INVS: variants seen among roughly 807,000 people sequenced by gnomAD.
INVS encodes inversin.
In INVS, 86 loss-of-function variants were observed where a neutral mutation model predicts 108.8. That is an observed-to-expected ratio of 0.79 (90% CI 0.66 to 0.95). The LOEUF is 0.95. INVS is among the 40% of genes least tolerant of loss of function. INVS has a pLI of 0.00. For synonymous variants in INVS, 455 were observed against 473.5 expected (o/e 0.96, Z 0.51); for missense variants, 1,169 against 1,297.4 (o/e 0.90, Z 1.52).
rs540775415 is a variant in INVS at position 100,199,747 on chromosome 9, T to C, written c.274-26315T>C. ...TCTGACTTCTTTCAGTGTTTTCTTT[T>C]TTAGCTTTGGTTTTCAATAGTTTCC... On this transcript the variant is annotated intron_variant, in intron 3 of 16. Transcript: ENST00000262457. Among the ~76,000 whole-genome samples, 6 of 152,316 alleles carry C rather than the reference T, an allele frequency of 3.9e-5. No individual in the cohort carries two copies. In the South Asian group the frequency reaches 1.2e-3, roughly 32 times the overall value.
At chr9:100,195,075 C>T (rs1033965704) in intron 3 of INVS, among the ~76,000 whole-genome samples, 2 of 152,126 alleles carry the variant, frequency 1.3e-5, no homozygotes, top group African/African-American at 2.4e-5. Flanking sequence ...GTCCCTGCTG[C>T]GCCTGCTACA....
At chr9:100,263,126 C>T (rs564676815) in intron 10 of INVS, among the ~76,000 whole-genome samples, 1 of 152,070 alleles carries the variant, frequency 6.6e-6, no homozygotes, top group South Asian at 2.1e-4. Flanking sequence ...TTTCTATTTC[C>T]TAATTTCTAT....
At chr9:100,233,428 A>G (rs1831576456) in intron 5 of INVS, among the ~76,000 whole-genome samples, 1 of 152,062 alleles carries the variant, frequency 6.6e-6, no homozygotes, top group Non-Finnish European at 1.5e-5. Flanking sequence ...GTGGTGAGAG[A>G]GGGTATCCTT....
chr9:100,275,396 C>A (rs1229827174), intron 12 of INVS, among the ~76,000 whole-genome samples: 3 of 152,154 alleles, frequency 2.0e-5, no homozygotes, highest in Admixed American at 2.0e-4. Context: ...TGGGACTCAA[C>A]AAAGGCAACA....
intron 13 of INVS, among the ~76,000 whole-genome samples, chr9:100,285,001 G>A (rs564695997): frequency 2.2e-4 from 33 of 152,170 alleles, no homozygotes; most frequent in African/African-American, 7.7e-4. Flanking sequence ...TTATGCGCCC[G>A]CCTGTATTTC....
intron 10 of INVS, 39 bp from the exon 11 acceptor site, chr9:100,264,783 C>G (rs1480135843): frequency 7.5e-7 from 1 of 1,332,044 alleles, no homozygotes; most frequent in Admixed American, 1.7e-5. Context: ...TCCAAAAATA[C>G]TTACTCCAGA....
intron 5 of INVS, among the ~76,000 whole-genome samples, chr9:100,235,276 G>A (rs574570281): frequency 6.6e-6 from 1 of 151,768 alleles, no homozygotes; most frequent in Non-Finnish European, 1.5e-5. Context: ...ACATGAGATG[G>A]GTCTCTTGAA....
chr9:100,170,218 T>C (rs1703581488), intron 3 of INVS, among the ~76,000 whole-genome samples: 1 of 152,158 alleles, frequency 6.6e-6, no homozygotes, highest in East Asian at 1.9e-4. Context: ...TCTGTGGAAG[T>C]ATAGTTGTGA....
chr9:100,163,007 A>T (rs1258441046), intron 3 of INVS, among the ~76,000 whole-genome samples: 2 of 152,106 alleles, frequency 1.3e-5, no homozygotes, highest in African/African-American at 2.4e-5. Context: ...TTGGACACTT[A>T]CAGAGCCTTG....
At chr9:100,261,665 C>G (rs563322110) in intron 10 of INVS, among the ~76,000 whole-genome samples, 1 of 152,320 alleles carries the variant, frequency 6.6e-6, no homozygotes, top group African/African-American at 2.4e-5. Flanking sequence ...GTTCTATTAG[C>G]TGCTATGTGT....
intron 3 of INVS, among the ~76,000 whole-genome samples, chr9:100,148,608 T>C (rs1237320005): frequency 6.6e-6 from 1 of 152,176 alleles, no homozygotes; most frequent in Non-Finnish European, 1.5e-5. Context: ...AGCTGAAGCA[T>C]AAGTAAAATA....
intron 1 of INVS, among the ~76,000 whole-genome samples, chr9:100,100,664 T>A (rs13293164): frequency 4.3e-5 from 1 of 23,002 alleles, no homozygotes; most frequent in African/African-American, 4.0e-4. Context: ...AATATATATA[T>A]TATATATGTA....
chr9:100,168,331 A>G (rs1829430610), intron 3 of INVS, among the ~76,000 whole-genome samples: 1 of 152,128 alleles, frequency 6.6e-6, no homozygotes, highest in Non-Finnish European at 1.5e-5. Flanking sequence ...ACAGAACATC[A>G]AGCTTGAGCT....
chr9:100,175,727 G>A, intron 3 of INVS: 1 of 627,838 alleles, frequency 1.6e-6, no homozygotes. Flanking sequence ...TTTCAATGCA[G>A]AGCAACCAGA....
intron 3 of INVS, among the ~76,000 whole-genome samples, chr9:100,212,457 C>A (rs947301228): frequency 4.0e-5 from 6 of 150,226 alleles, no homozygotes; most frequent in Admixed American, 3.3e-4. Flanking sequence ...CTAGCCATCT[C>A]TTCTAATGTT....
At chr9:100,183,980 G>C (rs1228097188) in intron 3 of INVS, among the ~76,000 whole-genome samples, 1 of 151,872 alleles carries the variant, frequency 6.6e-6, no homozygotes, top group Non-Finnish European at 1.5e-5. Flanking sequence ...TAAAGTATGG[G>C]GTGGGGATAA....
chr9:100,259,323 G>A (rs1371010710), intron 10 of INVS, among the ~76,000 whole-genome samples: 3 of 152,086 alleles, frequency 2.0e-5, no homozygotes, highest in African/African-American at 4.8e-5. Flanking sequence ...CATCTGTCAC[G>A]GCTTTCCTTG....
At chr9:100,157,432 T>A (rs1220154559) in intron 3 of INVS, among the ~76,000 whole-genome samples, 1 of 151,272 alleles carries the variant, frequency 6.6e-6, no homozygotes, top group African/African-American at 2.4e-5. Context: ...GCCTGGCTAA[T>A]TTTTTTTGTA....
At chr9:100,226,669 C>T (rs976257480) in intron 4 of INVS, among the ~76,000 whole-genome samples, 3 of 151,898 alleles carry the variant, frequency 2.0e-5, no homozygotes, top group Non-Finnish European at 4.4e-5. Flanking sequence ...AAAAATTAGC[C>T]GGGCATGTTG....
Sources: gnomAD v4.1 joint callset for allele counts (sites outside exome capture counted in the v4.1 genomes callset) on GRCh38, gnomAD v4.1.1 for gene constraint, MANE v1.5 for transcripts, NCBI Gene and HGNC (gene_info 2026-07-23, HGNC 2026-07-21) for gene names.